Variants in PUS1 observed in about 807,000 individuals in gnomAD.
PUS1 encodes pseudouridine synthase 1.
Under a neutral mutation model 38.5 loss-of-function variants are expected in PUS1, and 25 were observed. The ratio of observed to expected loss-of-function variants is 0.65; its 90% CI spans 0.47 to 0.91. The LOEUF is 0.91. Ranked by LOEUF, PUS1 falls within the 40% of genes least tolerant of loss-of-function variation. PUS1 has a pLI of 0.00. For synonymous variants in PUS1, 282 were observed against 260.4 expected (o/e 1.08, Z -0.80); for missense variants, 597 against 612.3 (o/e 0.97, Z 0.26).
chr12:131,938,363 C>G (rs1303505852), intron 3 of PUS1, among the ~76,000 whole-genome samples: 1 of 152,090 alleles, frequency 6.6e-6, no homozygotes, highest in South Asian at 2.1e-4. Flanking sequence ...GAGGATTGCT[C>G]AAACCTGGGA....
At chr12:131,937,272 ATTC>A (rs1890872443) in intron 3 of PUS1, among the ~76,000 whole-genome samples, 1 of 152,222 alleles carries the variant, frequency 6.6e-6, no homozygotes. Flanking sequence ...ATGCCACATG[ATTC>A]TTATGTGGGT....
At chr12:131,936,245 C>T (rs114339110) in intron 3 of PUS1, among the ~76,000 whole-genome samples, 2,450 of 151,678 alleles carry the variant, frequency 0.016, 69 homozygotes, top group African/African-American at 0.056. Flanking sequence ...ATATAATTCA[C>T]TCTTGTACAA....
Position 131,943,689 on chromosome 12 carries a change from G to T in PUS1, c.*103G>T. The stretch of plus-strand genomic sequence containing the variant: ...AAGAAGCTGGGATCGCTGCAGCCAT[G>T]TTTTCCCGGCCATGCCGGCGTTGTA... On this transcript the variant is annotated 3_prime_UTR_variant, in exon 6 of 6. Coordinates refer to ENST00000376649, the MANE Select transcript of PUS1 (RefSeq NM_025215.6). 1 of 985,352 alleles carries T rather than the reference G, an allele frequency of 1.0e-6. No homozygotes were observed. The highest frequency in any genetic ancestry group is 1.6e-6 in the Non-Finnish European group (1 of 619,630). The allele number at this position is 985,352 out of a possible 1,614,324, so 61.0% of individuals were successfully genotyped here.
At chr12:131,933,012 T>C (rs1890675893) in intron 3 of PUS1, among the ~76,000 whole-genome samples, 1 of 151,872 alleles carries the variant, frequency 6.6e-6, no homozygotes, top group African/African-American at 2.4e-5. Flanking sequence ...TTGTAAACCA[T>C]CAGATCTTGG....
intron 3 of PUS1, among the ~76,000 whole-genome samples, chr12:131,934,196 C>T (rs1032763970): frequency 3.9e-5 from 6 of 152,188 alleles, no homozygotes; most frequent in South Asian, 2.1e-4. Flanking sequence ...GGAGCGTGAC[C>T]GTTGAAGCAC....
intron 3 of PUS1, among the ~76,000 whole-genome samples, chr12:131,935,611 C>T (rs1407293889): frequency 7.2e-5 from 11 of 152,036 alleles, no homozygotes; most frequent in Non-Finnish European, 1.0e-4. Context: ...CTTGGCTCAC[C>T]GCAACCTCAC....
At chr12:131,930,236 GC>G in intron 2 of PUS1, 101 bp downstream of exon 2, 1 of 702,878 alleles carries the variant, frequency 1.4e-6, no homozygotes, top group Non-Finnish European at 2.1e-6. Flanking sequence ...AGGAGCGGTC[GC>G]CCAGGTAGCG....
chr12:131,934,892 G>C (rs1890755978), intron 3 of PUS1: 1 of 152,262 alleles, frequency 6.6e-6, no homozygotes, highest in African/African-American at 2.4e-5. Flanking sequence ...GGATCCTCCG[G>C]GAATCTGAAT....
At chr12:131,938,832 C>T (rs1393942581) in intron 3 of PUS1, among the ~76,000 whole-genome samples, 1 of 151,770 alleles carries the variant, frequency 6.6e-6, no homozygotes, top group Non-Finnish European at 1.5e-5. Flanking sequence ...CGCCATTCTC[C>T]TGCCTCAGCC....
At chr12:131,931,244 C>T (rs1218677452) in intron 2 of PUS1, among the ~76,000 whole-genome samples, 2 of 152,066 alleles carry the variant, frequency 1.3e-5, no homozygotes, top group African/African-American at 4.8e-5. Context: ...CTGCAGCCTC[C>T]GCCTCCCGGG....
chr12:131,943,650 C>A lies in PUS1; in HGVS notation c.*64C>A. On this transcript the variant is annotated 3_prime_UTR_variant, in exon 6 of 6. Coordinates refer to ENST00000376649, the MANE Select transcript of PUS1 (RefSeq NM_025215.6). Reference sequence around the variant, plus strand: ...TCACAGTGTGTGCCCAGATGTGCCACCCCTGTGGGCAGCAAGAAGCTGGGA... The same window carrying A: ...TCACAGTGTGTGCCCAGATGTGCCAACCCTGTGGGCAGCAAGAAGCTGGGA... The A allele has an allele frequency of 7.4e-7, 1 of 1,347,102 alleles. No individual in the cohort carries two copies. The highest frequency in any genetic ancestry group is 1.1e-6 in the Non-Finnish European group (1 of 940,406). 83.4% of individuals were successfully genotyped at this position (1,347,102 alleles called of 1,614,324 possible). A position where few individuals can be genotyped will look rare whatever the true frequency, so the allele number is the denominator to read the frequency against.
intron 2 of PUS1, 154 bp from the exon 3 acceptor site, chr12:131,932,021 G>T: frequency 2.7e-6 from 2 of 732,934 alleles, no homozygotes. Flanking sequence ...GCAGAAAACA[G>T]TGTTTTCACA....
At chr12:131,935,998 G>A (rs1335514988) in intron 3 of PUS1, among the ~76,000 whole-genome samples, 3 of 152,076 alleles carry the variant, frequency 2.0e-5, no homozygotes, top group East Asian at 2.0e-4. Context: ...ATCACTTGAG[G>A]TCAGGAATTC....
Position 131,929,451 on chromosome 12 carries a change from CG to C in PUS1, c.-268del. 1 of 415,358 alleles carries C rather than the reference CG, an allele frequency of 2.4e-6. No individual in the cohort carries two copies. Among genetic ancestry groups the C allele is most frequent in the South Asian group, 6.2e-5 (1 of 16,156 alleles). The allele number at this position is 415,358 out of a possible 1,614,324, so 25.7% of individuals were successfully genotyped here. On this transcript the variant is annotated 5_prime_UTR_variant, in exon 1 of 6. Coordinates refer to ENST00000376649, the MANE Select transcript of PUS1 (RefSeq NM_025215.6). ...CGTTGGAGTTGATCCGTCAGGGTCC[CG>C]GGGCGGTCTGGGGGCAGTAGAGACG...
rs1891226351 is a variant in PUS1, at chr12:131,944,671, G to C, written c.*1085G>C. 6.5e-6 allele frequency: 1 copy of C among 152,694 alleles called. No homozygotes were observed. The highest frequency in any genetic ancestry group is 2.4e-5 in the African/African-American group (1 of 41,470). The allele number at this position is 152,694 out of a possible 1,614,324, so 9.5% of individuals were successfully genotyped here. A position where few individuals can be genotyped will look rare whatever the true frequency, so the allele number is the denominator to read the frequency against. On this transcript the variant is annotated 3_prime_UTR_variant, in exon 6 of 6. Coordinates refer to ENST00000376649, the MANE Select transcript of PUS1 (RefSeq NM_025215.6). The stretch of plus-strand genomic sequence containing the variant: ...CTTCCTAGACAGCCCCATGCGTGCA[G>C]CCTTTGCCCTGGTTGCAGGTCGGTA...
chr12:131,932,861 G>A (rs779246997), intron 3 of PUS1: 3 of 450,822 alleles, frequency 6.7e-6, no homozygotes, highest in South Asian at 1.6e-5. Context: ...TTGTCACACT[G>A]TTATAAAGAA....
rs61942451 is a variant in PUS1, at chr12:131,944,310, T to C, written c.*724T>C. Reference sequence around the variant, plus strand: ...AGGTGGATTACTTGAGGTCGGGAGTTTGAGACCAGCCTGACCAGCATGGAG... The same window carrying C: ...AGGTGGATTACTTGAGGTCGGGAGTCTGAGACCAGCCTGACCAGCATGGAG... On this transcript the variant is annotated 3_prime_UTR_variant, in exon 6 of 6. Transcript: ENST00000376649. The C allele has an allele frequency of 0.046, 6,964 of 152,124 alleles. 216 individuals are homozygous for C. The highest frequency in any genetic ancestry group is 0.069 in the Non-Finnish European group (4,693 of 68,266). 9.4% of individuals were successfully genotyped at this position (152,124 alleles called of 1,614,324 possible). A position where few individuals can be genotyped will look rare whatever the true frequency, so the allele number is the denominator to read the frequency against.
In PUS1 at chr12:131,941,146, C is replaced by T; in HGVS notation, c.545-146C>T. 1.4e-6 allele frequency: 1 copy of T among 698,446 alleles called. No individual in the cohort carries two copies. Among genetic ancestry groups the T allele is most frequent in the Non-Finnish European group, 2.5e-6 (1 of 397,812 alleles). 43.3% of individuals were successfully genotyped at this position (698,446 alleles called of 1,614,324 possible). A position where few individuals can be genotyped will look rare whatever the true frequency, so the allele number is the denominator to read the frequency against. Reference sequence around the variant, plus strand: ...GCCTGTTCCCCAGCCTGTGGCTGCCCCCTCCCCAGAGAAGCCGATGCTTGC... The same window carrying T: ...GCCTGTTCCCCAGCCTGTGGCTGCCTCCTCCCCAGAGAAGCCGATGCTTGC... On this transcript the variant is annotated intron_variant, in intron 4 of 5. Transcript: ENST00000376649. This position sits in a 1 kb window ranked among gnomAD's most constrained non-coding sequence, Gnocchi z 4.4.
rs903124793 is a variant in PUS1 at position 131,943,425 on chromosome 12, A to G, written c.1237-114A>G. On this transcript the variant is annotated intron_variant, in intron 5 of 5. Coordinates refer to ENST00000376649, the MANE Select transcript of PUS1 (RefSeq NM_025215.6). The stretch of plus-strand genomic sequence containing the variant: ...CAAACACCAGACTCTGCTCCTGATG[A>G]GGGAGTGGTGGGGGCAAGGCTCCTG... 26 of 843,534 alleles carry G rather than the reference A, an allele frequency of 3.1e-5. No homozygotes were observed. The African/African-American group carries it at 3.5e-4, about 11-fold the overall frequency. 52.3% of individuals were successfully genotyped at this position (843,534 alleles called of 1,614,324 possible).
Sources: allele counts gnomAD v4.1 joint callset (sites outside exome capture counted in the v4.1 genomes callset), GRCh38; gene constraint gnomAD v4.1.1; non-coding constraint Gnocchi (gnomAD v3.1); transcripts MANE v1.5; gene names NCBI Gene and HGNC (gene_info 2026-07-23, HGNC 2026-07-21).